The following ABL1 variants were observed in gnomAD, a reference collection of about 807,000 sequenced individuals.
ABL1 encodes ABL proto-oncogene 1, non-receptor tyrosine kinase.
Under a neutral mutation model 94.7 loss-of-function variants are expected in ABL1, and 11 were observed. That is an observed-to-expected ratio of 0.12 (90% CI 0.07 to 0.19). The LOEUF is 0.19. Among genes scored for constraint, ABL1 ranks in the 10% least tolerant of loss-of-function variants. The pLI is 1.00. For missense variants in ABL1, 1,082 were observed against 1,489.4 expected, an observed-to-expected ratio of 0.73 and a Z score of 4.50; for synonymous variants, 656 against 622.4, an observed-to-expected ratio of 1.05 and a Z score of -0.80.
chr9:130,789,004 T>G (rs931084378), intron 1 of ABL1, among the ~76,000 whole-genome samples: 1 of 152,172 alleles, frequency 6.6e-6, no homozygotes, highest in Non-Finnish European at 1.5e-5. Flanking sequence ...TTCCCTTAAC[T>G]TTTTCTCCCT....
chr9:130,737,013 T>C (rs756130833), intron 1 of ABL1, among the ~76,000 whole-genome samples: 2 of 152,150 alleles, frequency 1.3e-5, no homozygotes, highest in Non-Finnish European at 2.9e-5. Flanking sequence ...GTAGGTGCTT[T>C]TCAGGAGCTT....
At chr9:130,741,613 C>A (rs1831820064) in intron 1 of ABL1, among the ~76,000 whole-genome samples, 1 of 151,862 alleles carries the variant, frequency 6.6e-6, no homozygotes, top group African/African-American at 2.4e-5. Flanking sequence ...ATACCAGTTA[C>A]CATGCCGGAG....
chr9:130,826,019 T>G (rs2132885220), intron 1 of ABL1, among the ~76,000 whole-genome samples: 2 of 152,344 alleles, frequency 1.3e-5, no homozygotes, highest in South Asian at 4.1e-4. Context: ...CAAGGGAGTT[T>G]GAAGATAGGG....
intron 1 of ABL1, among the ~76,000 whole-genome samples, chr9:130,757,977 T>A (rs1832062691): frequency 6.6e-6 from 1 of 152,196 alleles, no homozygotes; most frequent in South Asian, 2.1e-4. Flanking sequence ...TGCTGTCCCT[T>A]CTTTTCTCCT....
chr9:130,737,388 C>A (rs1831757130), intron 1 of ABL1, among the ~76,000 whole-genome samples: 1 of 152,076 alleles, frequency 6.6e-6, no homozygotes, highest in Non-Finnish European at 1.5e-5. Context: ...CTGCCTCAGC[C>A]TCCCAAATAG....
At chr9:130,767,311 A>G (rs1380834716) in intron 1 of ABL1, among the ~76,000 whole-genome samples, 1 of 152,228 alleles carries the variant, frequency 6.6e-6, no homozygotes, top group Non-Finnish European at 1.5e-5. Flanking sequence ...ACATGGCCTC[A>G]GAATGCCATG....
intron 1 of ABL1, among the ~76,000 whole-genome samples, chr9:130,842,266 A>G (rs1447923256): frequency 2.6e-5 from 4 of 152,244 alleles, no homozygotes; most frequent in Admixed American, 2.0e-4. Flanking sequence ...AAATGCCTTC[A>G]TAATAGAGTC....
intron 3 of ABL1, among the ~76,000 whole-genome samples, chr9:130,857,595 G>A (rs1279638918): frequency 1.3e-5 from 2 of 150,840 alleles, no homozygotes; most frequent in Non-Finnish European, 2.9e-5. Flanking sequence ...ATACCATGTT[G>A]TGGTATCTGA....
intron 1 of ABL1, among the ~76,000 whole-genome samples, chr9:130,736,661 T>C (rs1831748124): frequency 6.6e-6 from 1 of 152,048 alleles, no homozygotes; most frequent in South Asian, 2.1e-4. Context: ...CCGGCTAATT[T>C]TGTATTTTTA....
At chr9:130,769,327 G>GTTTTTTTTTTTTTT (rs1234290296) in intron 1 of ABL1, among the ~76,000 whole-genome samples, 1 of 112,914 alleles carries the variant, frequency 8.9e-6, no homozygotes, top group Non-Finnish European at 1.9e-5. Context: ...TATGGCCCTA[G>GTTTTTTTTTTTTTT]TCTTTTTTTT....
chr9:130,747,767 C>T (rs1462823761), intron 1 of ABL1, among the ~76,000 whole-genome samples: 3 of 152,134 alleles, frequency 2.0e-5, no homozygotes, highest in Admixed American at 6.6e-5. Context: ...ACTAGGATGA[C>T]GGAGGATAAT....
chr9:130,834,113 T>C (rs1232214197), upstream of ABL1: 5 of 455,638 alleles, frequency 1.1e-5, no homozygotes, highest in Non-Finnish European at 2.2e-5. Flanking sequence ...CTGTGGGGTT[T>C]GTTTGTTTTT....
intron 1 of ABL1, among the ~76,000 whole-genome samples, chr9:130,797,272 T>C (rs1829992158): frequency 8.4e-6 from 1 of 119,518 alleles, no homozygotes; most frequent in Non-Finnish European, 1.8e-5. Context: ...AAAAGAACTT[T>C]GAATAAACTT....
At chr9:130,874,569 C>T (rs1214019936) in intron 6 of ABL1, among the ~76,000 whole-genome samples, 3 of 152,188 alleles carry the variant, frequency 2.0e-5, no homozygotes, top group Non-Finnish European at 4.4e-5. Context: ...GAGGTAGGTG[C>T]CATTATTATC....
At chr9:130,873,640 A>G (rs1831291630) in intron 6 of ABL1, among the ~76,000 whole-genome samples, 1 of 152,236 alleles carries the variant, frequency 6.6e-6, no homozygotes, top group Admixed American at 6.5e-5. Context: ...TTGCTGTTTT[A>G]AACCCTGAAG....
chr9:130,773,047 G>A (rs1012652329), intron 1 of ABL1, among the ~76,000 whole-genome samples: 1 of 152,234 alleles, frequency 6.6e-6, no homozygotes, highest in South Asian at 2.1e-4. Flanking sequence ...CTGGCCGGGT[G>A]CAGCGGCTCA....
At chr9:130,770,972 T>A (rs1267192153) in intron 1 of ABL1, among the ~76,000 whole-genome samples, 1 of 152,232 alleles carries the variant, frequency 6.6e-6, no homozygotes, top group Non-Finnish European at 1.5e-5. Context: ...CTCTTAATAG[T>A]TGAACTCTAA....
intron 6 of ABL1, 131 bp from the exon 7 acceptor site, chr9:130,874,737 T>G (rs1432416396): frequency 3.2e-6 from 3 of 951,596 alleles, no homozygotes; most frequent in Non-Finnish European, 4.8e-6. Context: ...GCCGTGGGCA[T>G]TAATACAAAC....
chr9:130,864,165 G>A (rs1477061009), intron 4 of ABL1, among the ~76,000 whole-genome samples: 3 of 152,212 alleles, frequency 2.0e-5, no homozygotes, highest in South Asian at 2.1e-4. Flanking sequence ...GCACGTGCCT[G>A]TCTTTGAGGC....
Sources: gnomAD v4.1 joint callset for allele counts (sites outside exome capture counted in the v4.1 genomes callset) on GRCh38, gnomAD v4.1.1 for gene constraint, MANE v1.5 for transcripts, NCBI Gene and HGNC (gene_info 2026-07-23, HGNC 2026-07-21) for gene names.